Variants in MYO16 observed in about 807,000 individuals in gnomAD.
MYO16 encodes unconventional myosin-XVI.
Under a neutral mutation model 205.3 loss-of-function variants are expected in MYO16, and 94 were observed. That is an observed-to-expected ratio of 0.46 (90% CI 0.39 to 0.54). The LOEUF (loss-of-function observed/expected upper bound fraction) is 0.54, where lower values mean the gene tolerates loss of function less well. MYO16 is among the 20% of genes least tolerant of loss of function. The probability of loss-of-function intolerance (pLI) is 0.00; values close to 1 mark genes in which losing one functional copy is unlikely to be tolerated. For missense variants in MYO16, 2,315 were observed against 2,387.5 expected (o/e 0.97, Z 0.63); for synonymous variants, 988 against 954.0 (o/e 1.04, Z -0.66).
chr13:108,941,442 C>T (rs371374277), intron 16 of MYO16, among the ~76,000 whole-genome samples: 60 of 152,034 alleles, frequency 3.9e-4, no homozygotes, highest in African/African-American at 1.2e-3. Context: ...TTTGGGAGGC[C>T]GAGGCGGGTG....
At chr13:109,039,716 G>A (rs890560773) in intron 23 of MYO16, among the ~76,000 whole-genome samples, 1 of 152,134 alleles carries the variant, frequency 6.6e-6, no homozygotes, top group Non-Finnish European at 1.5e-5. Flanking sequence ...AATGAGAAAT[G>A]TATATCACTA....
At chr13:109,016,337 G>A (rs1445331648) in intron 22 of MYO16, among the ~76,000 whole-genome samples, 2 of 151,998 alleles carry the variant, frequency 1.3e-5, no homozygotes, top group African/African-American at 4.8e-5. Flanking sequence ...ACAGTTTGTT[G>A]TGATTACTGT....
At chr13:109,185,620 A>C (rs939828068) in intron 34 of MYO16, among the ~76,000 whole-genome samples, 3 of 152,242 alleles carry the variant, frequency 2.0e-5, no homozygotes, top group Non-Finnish European at 2.9e-5. Flanking sequence ...GGAATAGTAT[A>C]AACTTAAAAA....
intron 15 of MYO16, among the ~76,000 whole-genome samples, chr13:108,901,630 C>T (rs1880714290): frequency 6.6e-6 from 1 of 152,184 alleles, no homozygotes; most frequent in African/African-American, 2.4e-5. Context: ...CTCCACCTTT[C>T]TCCACTTTCC....
chr13:109,140,103 G>A lies in MYO16; in HGVS notation c.4052-161G>A, dbSNP rs545024620. 3.0e-4 allele frequency among the ~76,000 whole-genome samples: 45 copies of A among 152,038 alleles called. No individual in the cohort carries two copies. Among genetic ancestry groups the A allele is most frequent in the African/African-American group, 1.1e-3 (45 of 41,488 alleles). On this transcript the variant is annotated intron_variant, in intron 31 of 34. Transcript: ENST00000457511. This position sits in a 1 kb window ranked among gnomAD's most constrained non-coding sequence, Gnocchi z 8.0. ...TTCTTGGGGGTGGTCTCAGGAGTTCGGGTTCAGCCAGGGAGCCTAGTGGGT... is the reference window on the plus strand; with the variant it reads ...TTCTTGGGGGTGGTCTCAGGAGTTCAGGTTCAGCCAGGGAGCCTAGTGGGT...
intron 1 of MYO16, among the ~76,000 whole-genome samples, chr13:108,622,504 G>A (rs140179441): frequency 2.9e-3 from 449 of 152,212 alleles, no homozygotes; most frequent in Middle Eastern, 0.024. Flanking sequence ...AGTCTTCTAC[G>A]GTTTCATTAG....
intron 34 of MYO16, among the ~76,000 whole-genome samples, chr13:109,197,831 A>T (rs562954815): frequency 6.4e-4 from 98 of 152,344 alleles, no homozygotes; most frequent in African/African-American, 2.1e-3. Flanking sequence ...AAGTCTACAA[A>T]AGCAAAATAA....
chr13:108,597,757 C>T (rs1000846451), intron 1 of MYO16, among the ~76,000 whole-genome samples: 4 of 151,986 alleles, frequency 2.6e-5, no homozygotes, highest in African/African-American at 7.3e-5. Flanking sequence ...GTGTGATTAC[C>T]GGTGGTTTCA....
At chr13:108,807,407 T>C (rs1887149043) in intron 7 of MYO16, among the ~76,000 whole-genome samples, 1 of 151,378 alleles carries the variant, frequency 6.6e-6, no homozygotes, top group African/African-American at 2.4e-5. Flanking sequence ...GGAAGTTCTT[T>C]CAAACAAACA....
intron 21 of MYO16, among the ~76,000 whole-genome samples, chr13:108,998,291 T>C (rs1481474057): frequency 2.0e-5 from 3 of 152,210 alleles, no homozygotes; most frequent in Non-Finnish European, 4.4e-5. Flanking sequence ...GTAGGATTCA[T>C]TTTTCTGGCT....
chr13:108,801,188 G>A (rs1886958907), intron 6 of MYO16, among the ~76,000 whole-genome samples: 1 of 152,068 alleles, frequency 6.6e-6, no homozygotes, highest in South Asian at 2.1e-4. Context: ...AATAACAAGA[G>A]TCAATTCACA....
chr13:108,767,264 G>A (rs1446224419), intron 4 of MYO16, among the ~76,000 whole-genome samples: 9 of 151,976 alleles, frequency 5.9e-5, no homozygotes, highest in African/African-American at 1.9e-4. Context: ...CACCATGCCC[G>A]GTTAATATTT....
At chr13:108,631,457 G>T (rs1386744094) in intron 1 of MYO16, among the ~76,000 whole-genome samples, 1 of 152,152 alleles carries the variant, frequency 6.6e-6, no homozygotes, top group Non-Finnish European at 1.5e-5. Flanking sequence ...TCAGAAAATT[G>T]GTGATGTCAA....
intron 14 of MYO16, among the ~76,000 whole-genome samples, chr13:108,894,221 C>A (rs1447522459): frequency 8.5e-5 from 13 of 152,156 alleles, no homozygotes; most frequent in South Asian, 2.1e-4. Context: ...AATCACCCCC[C>A]ACCGGGTCTC....
intron 10 of MYO16, among the ~76,000 whole-genome samples, chr13:108,848,425 T>C (rs1236796465): frequency 1.3e-5 from 2 of 152,254 alleles, no homozygotes; most frequent in African/African-American, 2.4e-5. Flanking sequence ...AAAATGTCAC[T>C]GTGAGCAGGT....
chr13:108,752,466 C>T (rs11842692), intron 4 of MYO16, among the ~76,000 whole-genome samples: 33,603 of 151,992 alleles, frequency 0.22, 5,081 homozygotes, highest in African/African-American at 0.43. Context: ...TTAAAATTCC[C>T]GGGATAACTC....
chr13:109,139,285 C>T (rs917950670), intron 31 of MYO16, among the ~76,000 whole-genome samples: 1 of 152,216 alleles, frequency 6.6e-6, no homozygotes, highest in Non-Finnish European at 1.5e-5. Context: ...CACGCTTACC[C>T]ATTTCCGACA....
At chr13:108,808,337 C>A (rs1370538928) in intron 7 of MYO16, among the ~76,000 whole-genome samples, 2 of 150,254 alleles carry the variant, frequency 1.3e-5, no homozygotes, top group Non-Finnish European at 3.0e-5. Flanking sequence ...TTTAATAGAA[C>A]CTTCTTTTTT....
chr13:109,022,028 G>A (rs959678505), intron 23 of MYO16, among the ~76,000 whole-genome samples: 9 of 150,468 alleles, frequency 6.0e-5, no homozygotes, highest in East Asian at 5.8e-4. Context: ...TGAGTGGCAC[G>A]TCAGAAGGAA....
Sources: allele counts gnomAD v4.1 joint callset (sites outside exome capture counted in the v4.1 genomes callset), GRCh38; gene constraint gnomAD v4.1.1; non-coding constraint Gnocchi (gnomAD v3.1); transcripts MANE v1.5; gene names NCBI Gene and HGNC (gene_info 2026-07-23, HGNC 2026-07-21).